RAB11FIP2: variants seen among roughly 807,000 people sequenced by gnomAD.
RAB11FIP2 encodes RAB11 family interacting protein 2, also known as rab11 family-interacting protein 2.
A neutral mutation model predicts 40.9 loss-of-function variants in RAB11FIP2; 16 were observed. That is an observed-to-expected ratio of 0.39 (90% CI 0.26 to 0.59). The LOEUF (loss-of-function observed/expected upper bound fraction) is 0.59, where lower values mean the gene tolerates loss of function less well. RAB11FIP2 is among the 20% of genes least tolerant of loss of function. The pLI, the probability that RAB11FIP2 is intolerant of heterozygous loss-of-function variation, is 0.53. For missense variants in RAB11FIP2, 532 were observed against 606.2 expected (o/e 0.88, Z 1.28); for synonymous variants, 228 against 213.7 (o/e 1.07, Z -0.58).
chr10:118,027,205 A>G (rs1348471170), intron 3 of RAB11FIP2, among the ~76,000 whole-genome samples: 4 of 152,190 alleles, frequency 2.6e-5, no homozygotes, highest in African/African-American at 9.7e-5. Flanking sequence ...TCTCCATTTT[A>G]CAGTTGGAAA....
rs113519850 is a variant in RAB11FIP2 at position 118,045,835 on chromosome 10, T to A, written c.329A>T (p.Glu110Val). ...QVAINLNDIF[E>V]DKQRRKTEWF... ...CTCTGTTTTCCTTCTTTGTTTGTCC[T>A]CAAAGATGTCATTGAGATTGATTGC... Residue 110 changes from glutamate (E) to valine (V), a missense_variant, in exon 1 of 5, where the codon GAG becomes GTG. Physicochemically the swap from Glu to Val is moderately radical, Grantham distance 121. Transcript: ENST00000355624. 6.2e-7 allele frequency: 1 copy of A among 1,610,066 alleles called. No homozygotes were observed. The highest frequency in any genetic ancestry group is 8.5e-7 in the Non-Finnish European group (1 of 1,177,926).
chr10:118,026,809 T>G (rs1300465716), intron 3 of RAB11FIP2, among the ~76,000 whole-genome samples: 1 of 152,220 alleles, frequency 6.6e-6, no homozygotes, highest in Non-Finnish European at 1.5e-5. Flanking sequence ...AATTTTCTAC[T>G]TAATACAGAG....
intron 3 of RAB11FIP2, among the ~76,000 whole-genome samples, chr10:118,037,053 G>T (rs1846490572): frequency 6.6e-6 from 1 of 151,742 alleles, no homozygotes. Flanking sequence ...TAGCTAAATT[G>T]CCCCATCTCC....
rs112662243 is a variant in RAB11FIP2, at chr10:118,014,249, T to G, written c.1311+816A>C. Among the ~76,000 whole-genome samples, 799 of 152,214 alleles carry G rather than the reference T, an allele frequency of 5.2e-3. 7 individuals carry two copies. Among genetic ancestry groups the G allele is most frequent in the African/African-American group, 0.019 (770 of 41,574 alleles). The stretch of plus-strand genomic sequence containing the variant: ...TGGGATTGCCTAAAAAAATTCTTAC[T>G]ATACATCTGGATCGCACACATCAAG... On this transcript the variant is annotated intron_variant, in intron 4 of 4. Transcript: ENST00000355624.
At chr10:118,034,536 T>G (rs867956139) in intron 3 of RAB11FIP2, among the ~76,000 whole-genome samples, 1 of 152,096 alleles carries the variant, frequency 6.6e-6, no homozygotes, top group Non-Finnish European at 1.5e-5. Context: ...TAACAAACAT[T>G]CAGGCATATT....
At position 118,039,104 on chromosome 10, in the gene RAB11FIP2, C is replaced by G; in HGVS notation, c.1133G>C (p.Gly378Ala). 2 of 1,613,732 alleles carry G rather than the reference C, an allele frequency of 1.2e-6. No homozygotes were observed. The highest frequency in any genetic ancestry group is 1.1e-5 in the South Asian group (1 of 91,048). The change falls in exon 3 of 5, where the codon GGG becomes GCG. Residue 378 changes from glycine (G) to alanine (A), a missense_variant. Transcript: ENST00000355624. ...CAAGTCACAAGGGCTATCAGATCCC[C>G]CATTGTTAAGTTTATCAGATCTTCT... ...DSRRSDKLNN[G>A]GSDSPCDLKS...
At chr10:118,040,602 A>G in intron 1 of RAB11FIP2, 37 bp from the exon 2 acceptor site, 1 of 1,420,236 alleles carries the variant, frequency 7.0e-7, no homozygotes, top group South Asian at 1.4e-5. Flanking sequence ...TGTAACACAT[A>G]ATAGAGAGAG....
chr10:118,023,007 T>A (rs747809695), intron 3 of RAB11FIP2, among the ~76,000 whole-genome samples: 4 of 152,210 alleles, frequency 2.6e-5, no homozygotes, highest in Non-Finnish European at 4.4e-5. Context: ...GTTTTTCAGT[T>A]CTTTTTAAGA....
At position 118,007,531 on chromosome 10, in the gene RAB11FIP2, T is replaced by C. The variant is rs1040817187; in HGVS notation, c.*1467A>G. 6.6e-6 allele frequency: 1 copy of C among 151,478 alleles called. No homozygotes were observed. Among genetic ancestry groups the C allele is most frequent in the African/African-American group, 2.4e-5 (1 of 41,272 alleles). 9.4% of individuals were successfully genotyped at this position (151,478 alleles called of 1,614,324 possible). A position where few individuals can be genotyped will look rare whatever the true frequency, so the allele number is the denominator to read the frequency against. On this transcript the variant is annotated 3_prime_UTR_variant, in exon 5 of 5. Transcript: ENST00000355624. ...AACAGAGATAAGTATTAGAAAAAAATGCAATTCATGGAAAGATTGGGGAAT... is the reference window on the plus strand; with the variant it reads ...AACAGAGATAAGTATTAGAAAAAAACGCAATTCATGGAAAGATTGGGGAAT...
chr10:118,022,660 A>G (rs1313247763), intron 3 of RAB11FIP2, among the ~76,000 whole-genome samples: 1 of 152,240 alleles, frequency 6.6e-6, no homozygotes, highest in Non-Finnish European at 1.5e-5. Flanking sequence ...AATATATGGT[A>G]TAAAAGTTTG....
intron 3 of RAB11FIP2, among the ~76,000 whole-genome samples, chr10:118,030,259 G>A (rs2928121): frequency 0.99 from 151,351 of 152,260 alleles, 75,235 homozygotes; most frequent in Middle Eastern, 1. Flanking sequence ...AACCTTACAT[G>A]CTGATTTACA....
intron 1 of RAB11FIP2, among the ~76,000 whole-genome samples, chr10:118,043,980 T>C (rs1438864960): frequency 6.6e-6 from 1 of 152,240 alleles, no homozygotes; most frequent in East Asian, 1.9e-4. Context: ...TAGCAATATA[T>C]GAAAATCACT....
rs1846092697 is a variant in RAB11FIP2, at chr10:118,006,587, A to G, written c.*2411T>C. On this transcript the variant is annotated 3_prime_UTR_variant, in exon 5 of 5. Transcript: ENST00000355624. ...TTTGCACTTCTGCCCAAACACAGGA[A>G]ACACTGATATATTTACTTGGGAACT... The G allele has an allele frequency of 6.6e-6, 1 of 152,096 alleles. No individual in the cohort carries two copies. The highest frequency in any genetic ancestry group is 6.6e-5 in the Admixed American group (1 of 15,266). 9.4% of individuals were successfully genotyped at this position (152,096 alleles called of 1,614,324 possible). A position where few individuals can be genotyped will look rare whatever the true frequency, so the allele number is the denominator to read the frequency against.
intron 4 of RAB11FIP2, among the ~76,000 whole-genome samples, chr10:118,013,872 A>C (rs528071011): frequency 6.6e-6 from 1 of 152,272 alleles, no homozygotes; most frequent in East Asian, 1.9e-4. Context: ...AGGTTACTTA[A>C]TAAACAATAG....
intron 4 of RAB11FIP2, among the ~76,000 whole-genome samples, chr10:118,013,578 C>G (rs1009089237): frequency 1.3e-5 from 2 of 152,024 alleles, no homozygotes; most frequent in African/African-American, 4.8e-5. Context: ...AAAAATTGTT[C>G]GAATGCTTTT....
rs41308655 is a variant in RAB11FIP2, at chr10:118,008,369, C to T, written c.*629G>A. The T allele has an allele frequency of 0.01, 1,597 of 152,858 alleles. 11 individuals carry two copies. Among genetic ancestry groups the T allele is most frequent in the Non-Finnish European group, 0.017 (1,161 of 68,242 alleles). 9.5% of individuals were successfully genotyped at this position (152,858 alleles called of 1,614,324 possible). ...CAAACCATGACAGTAGGAAGGATGA[C>T]TTGTCTTGCATCAATAGAGCACACA... On this transcript the variant is annotated 3_prime_UTR_variant, in exon 5 of 5. Transcript: ENST00000355624.
intron 3 of RAB11FIP2, among the ~76,000 whole-genome samples, chr10:118,029,044 A>G (rs1846380890): frequency 6.6e-6 from 1 of 152,100 alleles, no homozygotes. Context: ...AAAAGAAAAA[A>G]TTCAAACCTT....
In RAB11FIP2 at chr10:118,046,362, T is replaced by G. The variant is rs1226102540; in HGVS notation, c.-199A>C. The G allele has an allele frequency of 8.6e-6, 5 of 584,636 alleles. No individual in the cohort carries two copies. In the African/African-American group the frequency reaches 9.3e-5, roughly 11 times the overall value. 36.2% of individuals were successfully genotyped at this position (584,636 alleles called of 1,614,324 possible). On this transcript the variant is annotated 5_prime_UTR_variant, in exon 1 of 5. Coordinates refer to ENST00000355624, the MANE Select transcript of RAB11FIP2 (RefSeq NM_014904.3). The stretch of plus-strand genomic sequence containing the variant: ...GGCACGGCCGCTCCGGGGGTCCCCT[T>G]TCGTCTGGAGAAACACAGAGGCCCA...
intron 3 of RAB11FIP2, 23 bp from the exon 4 acceptor site, chr10:118,015,133 T>C (rs373543283): frequency 1.3e-6 from 2 of 1,586,508 alleles, no homozygotes; most frequent in African/African-American, 1.3e-5. Context: ...AAACAAATGT[T>C]AAAAGTGTCA....
Sources: allele counts gnomAD v4.1 joint callset (sites outside exome capture counted in the v4.1 genomes callset), GRCh38; gene constraint gnomAD v4.1.1; transcripts MANE v1.5; gene names NCBI Gene and HGNC (gene_info 2026-07-23, HGNC 2026-07-21).